Variants in PDE1C observed in about 807,000 individuals in gnomAD.
The protein encoded by PDE1C is phosphodiesterase 1C.
PDE1C carries 62 observed loss-of-function variants against 93.1 expected under a neutral mutation model. The ratio of observed to expected loss-of-function variants is 0.67; its 90% CI spans 0.54 to 0.82. The LOEUF is 0.82. PDE1C is among the 40% of genes least tolerant of loss of function. The pLI is 0.00. For missense variants in PDE1C, 742 were observed against 884.6 expected (o/e 0.84, Z 2.04); for synonymous variants, 325 against 310.1 (o/e 1.05, Z -0.50).
chr7:31,816,183 C>T (rs754037749), intron 14 of PDE1C, 29 bp from the exon 15 acceptor site: 1 of 1,598,992 alleles, frequency 6.3e-7, no homozygotes, highest in Non-Finnish European at 8.5e-7. Context: ...GGGAAAGCCA[C>T]AGAAAAGAGA....
chr7:32,323,714 C>T (rs980204833), intron 1 of PDE1C, among the ~76,000 whole-genome samples: 1 of 152,172 alleles, frequency 6.6e-6, no homozygotes, highest in African/African-American at 2.4e-5. Flanking sequence ...AAAGGAAACT[C>T]CTGAGTTCAA....
At chr7:31,842,707 T>G (rs1792070662) in intron 9 of PDE1C, among the ~76,000 whole-genome samples, 1 of 152,072 alleles carries the variant, frequency 6.6e-6, no homozygotes, top group Non-Finnish European at 1.5e-5. Context: ...AAATAACAGC[T>G]TGAGCTTTCT....
intron 1 of PDE1C, among the ~76,000 whole-genome samples, chr7:32,420,449 GA>G (rs150196457): frequency 2.4e-4 from 33 of 139,354 alleles, no homozygotes; most frequent in Admixed American, 5.4e-4. Flanking sequence ...AACTACTAGT[GA>G]GGCTCAGGCA....
At chr7:32,159,703 A>G (rs557054088) in intron 3 of PDE1C, among the ~76,000 whole-genome samples, 109 of 152,290 alleles carry the variant, frequency 7.2e-4, no homozygotes, top group African/African-American at 2.6e-3. Context: ...GGGAGATGAC[A>G]GGGAGAAGAG....
intron 2 of PDE1C, among the ~76,000 whole-genome samples, chr7:31,985,720 C>T (rs1783305138): frequency 6.6e-6 from 1 of 151,984 alleles, no homozygotes; most frequent in South Asian, 2.1e-4. Flanking sequence ...TGGTTTCCAG[C>T]TTCATCTATG....
At chr7:31,773,147 A>G (rs28688395) in intron 17 of PDE1C, among the ~76,000 whole-genome samples, 50,998 of 152,078 alleles carry the variant, frequency 0.34, 9,028 homozygotes, top group African/African-American at 0.43. Flanking sequence ...AGTTACACAG[A>G]TTAATTATGT....
intron 17 of PDE1C, among the ~76,000 whole-genome samples, chr7:31,768,561 G>A (rs12531620): frequency 0.32 from 48,046 of 151,938 alleles, 7,849 homozygotes; most frequent in Admixed American, 0.37. Context: ...CAAAAATTAC[G>A]TAGTTCTGAC....
chr7:31,953,423 G>T (rs748089185), intron 2 of PDE1C, among the ~76,000 whole-genome samples: 5 of 152,154 alleles, frequency 3.3e-5, no homozygotes, highest in African/African-American at 4.8e-5. Context: ...TATGTAATTT[G>T]TCATGGACAA....
At chr7:31,961,248 A>G (rs200942948) in intron 2 of PDE1C, among the ~76,000 whole-genome samples, 5 of 151,258 alleles carry the variant, frequency 3.3e-5, no homozygotes, top group East Asian at 3.9e-4. Context: ...GTATATGTAT[A>G]TATATATATA....
intron 1 of PDE1C, among the ~76,000 whole-genome samples, chr7:32,295,226 C>G (rs1214441656): frequency 6.6e-6 from 1 of 152,208 alleles, no homozygotes; most frequent in Non-Finnish European, 1.5e-5. Context: ...GCAGAGTTAA[C>G]AAACTCCCAG....
At chr7:32,125,507 G>GTA (rs1799526448) in intron 3 of PDE1C, among the ~76,000 whole-genome samples, 1 of 152,164 alleles carries the variant, frequency 6.6e-6, no homozygotes, top group Non-Finnish European at 1.5e-5. Flanking sequence ...AGAAAATGTG[G>GTA]TATATATACA....
At chr7:31,959,197 T>C (rs925777329) in intron 2 of PDE1C, among the ~76,000 whole-genome samples, 7 of 147,644 alleles carry the variant, frequency 4.7e-5, no homozygotes, top group Admixed American at 7.1e-5. Flanking sequence ...GTTTTTTGTT[T>C]TGTTGTTTGT....
intron 1 of PDE1C, among the ~76,000 whole-genome samples, chr7:32,383,652 G>GATGT (rs977341847): frequency 1.3e-5 from 2 of 151,954 alleles, no homozygotes; most frequent in African/African-American, 4.8e-5. Context: ...TGGATGGATG[G>GATGT]ATGGATGGAT....
At chr7:31,938,994 T>C (rs989964077) in intron 2 of PDE1C, among the ~76,000 whole-genome samples, 1 of 152,180 alleles carries the variant, frequency 6.6e-6, no homozygotes, top group Admixed American at 6.6e-5. Context: ...AGTGGCATGT[T>C]CTAGGTATTG....
intron 3 of PDE1C, among the ~76,000 whole-genome samples, chr7:32,151,782 T>C (rs918239682): frequency 6.6e-6 from 1 of 152,132 alleles, no homozygotes; most frequent in African/African-American, 2.4e-5. Context: ...AAGAAGGAGT[T>C]ACAACAGAGA....
At chr7:32,357,980 G>A (rs1193045202) in intron 1 of PDE1C, among the ~76,000 whole-genome samples, 3 of 152,194 alleles carry the variant, frequency 2.0e-5, no homozygotes, top group African/African-American at 7.2e-5. Flanking sequence ...CCAATTTGCA[G>A]GGGCACTTCC....
At chr7:32,170,010 T>C (rs1275001087) in intron 2 of PDE1C, 13 of 1,493,148 alleles carry the variant, frequency 8.7e-6, no homozygotes, top group Non-Finnish European at 1.2e-5. Flanking sequence ...GTTGACTCCA[T>C]GTCCTGCCTT....
intron 2 of PDE1C, among the ~76,000 whole-genome samples, chr7:31,950,860 C>A (rs1333406462): frequency 6.6e-6 from 1 of 152,158 alleles, no homozygotes; most frequent in Non-Finnish European, 1.5e-5. Flanking sequence ...CTAGGTACAG[C>A]ATATCCTGAG....
At chr7:32,279,093 C>T (rs998271283) in intron 1 of PDE1C, among the ~76,000 whole-genome samples, 3 of 152,124 alleles carry the variant, frequency 2.0e-5, no homozygotes, top group African/African-American at 7.2e-5. Flanking sequence ...AATATAAAAA[C>T]TGATCAGATA....
Sources: allele counts gnomAD v4.1 joint callset (sites outside exome capture counted in the v4.1 genomes callset), GRCh38; gene constraint gnomAD v4.1.1; transcripts MANE v1.5; gene names NCBI Gene and HGNC (gene_info 2026-07-23, HGNC 2026-07-21).